Variants in SPIDR observed in about 807,000 individuals in gnomAD.
The protein encoded by SPIDR is DNA repair-scaffolding protein.
Under a neutral mutation model 104.6 loss-of-function variants are expected in SPIDR, and 93 were observed. That is an observed-to-expected ratio of 0.89 (90% CI 0.75 to 1.06). The LOEUF (loss-of-function observed/expected upper bound fraction) is 1.06, where lower values mean the gene tolerates loss of function less well. SPIDR is among the 50% of genes least tolerant of loss of function. SPIDR has a pLI of 0.00. For synonymous variants in SPIDR, 431 were observed against 416.9 expected, an observed-to-expected ratio of 1.03 and a Z score of -0.41; for missense variants, 1,154 against 1,111.2, an observed-to-expected ratio of 1.04 and a Z score of -0.55.
intron 5 of SPIDR, among the ~76,000 whole-genome samples, chr8:47,316,631 G>A (rs1053256335): frequency 1.1e-4 from 16 of 152,186 alleles, no homozygotes; most frequent in Non-Finnish European, 2.4e-4. Flanking sequence ...CATTTACATC[G>A]AGTTCTAGAA....
At position 47,443,569 on chromosome 8, in the gene SPIDR, G is replaced by A. The variant is rs1352306272; in HGVS notation, c.1097+3027G>A. Among the ~76,000 whole-genome samples the A allele has an allele frequency of 1.9e-4, 15 of 80,818 alleles. No individual in the cohort carries two copies. The Admixed American group carries it at 2.1e-3, about 11-fold the overall frequency. 53.0% of individuals were successfully genotyped at this position (80,818 alleles called of 152,430 possible). On this transcript the variant is annotated intron_variant, in intron 8 of 19. Coordinates refer to ENST00000297423, the MANE Select transcript of SPIDR (RefSeq NM_001080394.4). ...CTGGGCGACAGAGCAAGACCCTGTC[G>A]CCAAAAAAAAAAAAAAAAAAAACAC...
At chr8:47,325,717 G>A (rs2047541760) in intron 5 of SPIDR, among the ~76,000 whole-genome samples, 1 of 152,142 alleles carries the variant, frequency 6.6e-6, no homozygotes. Flanking sequence ...ACAGAGTTAT[G>A]TGAGATTTGT....
At chr8:47,356,337 C>G (rs139873452) in intron 5 of SPIDR, among the ~76,000 whole-genome samples, 1 of 152,294 alleles carries the variant, frequency 6.6e-6, no homozygotes, top group African/African-American at 2.4e-5. Flanking sequence ...ATCAGAGTCG[C>G]TGTCTTGGGA....
chr8:47,556,231 G>A (rs555659266), intron 8 of SPIDR, among the ~76,000 whole-genome samples: 48 of 152,292 alleles, frequency 3.2e-4, no homozygotes, highest in Admixed American at 2.9e-3. Flanking sequence ...GATCTTAGAT[G>A]GCCTCAGTGG....
At position 47,570,815 on chromosome 8, in the gene SPIDR, G is replaced by A. The variant is rs557649560; in HGVS notation, c.1098-24996G>A. Among the ~76,000 whole-genome samples, 10 of 152,232 alleles carry A rather than the reference G, an allele frequency of 6.6e-5. No individual in the cohort carries two copies. In the East Asian group the frequency reaches 1.2e-3, roughly 18 times the overall value. On this transcript the variant is annotated intron_variant, in intron 8 of 19. Coordinates refer to ENST00000297423, the MANE Select transcript of SPIDR (RefSeq NM_001080394.4). ...ATGATTAAGATGAAAGGTTTTAGCC[G>A]GGTGTGGTGGCTCACGCCTATAATC...
intron 10 of SPIDR, among the ~76,000 whole-genome samples, chr8:47,638,048 G>T (rs1588674660): frequency 2.0e-5 from 3 of 151,744 alleles, no homozygotes; most frequent in Admixed American, 2.0e-4. Flanking sequence ...TGTTCACATT[G>T]TTCCAGTTTT....
intron 5 of SPIDR, among the ~76,000 whole-genome samples, chr8:47,343,687 C>CT (rs1554615453): frequency 6.6e-6 from 1 of 152,152 alleles, no homozygotes; most frequent in Non-Finnish European, 1.5e-5. Flanking sequence ...AACTGATGGG[C>CT]TAAAGTGTGG....
rs1344685786 is a variant in SPIDR, at chr8:47,294,012, G to A, written c.507G>A (p.Lys169=). Reference sequence around the variant, plus strand: ...ATCAGTCTTTGACAAGTGATGAGAAGCTGTCGGAGCTTCCCAAGGTAAGAA... The same window carrying A: ...ATCAGTCTTTGACAAGTGATGAGAAACTGTCGGAGCTTCCCAAGGTAAGAA... ...ASNQSLTSDE[K]LSELPKPSSI... The change falls in exon 5 of 20, where the codon AAG becomes AAA. Residue 169 remains lysine, a synonymous_variant. Transcript: ENST00000297423. 4 of 1,613,392 alleles carry A rather than the reference G, an allele frequency of 2.5e-6. No homozygotes were observed. Among genetic ancestry groups the A allele is most frequent in the Non-Finnish European group, 3.4e-6 (4 of 1,179,838 alleles).
chr8:47,575,420 G>A (rs1400696163), intron 8 of SPIDR, among the ~76,000 whole-genome samples: 1 of 151,802 alleles, frequency 6.6e-6, no homozygotes, highest in Admixed American at 6.6e-5. Flanking sequence ...GAGGCGGGCG[G>A]ATCACGAGGT....
At chr8:47,569,577 T>C (rs1174476343) in intron 8 of SPIDR, among the ~76,000 whole-genome samples, 2 of 152,318 alleles carry the variant, frequency 1.3e-5, no homozygotes, top group East Asian at 3.9e-4. Flanking sequence ...CCAGTTACAA[T>C]AGAATAAGAG....
intron 5 of SPIDR, among the ~76,000 whole-genome samples, chr8:47,395,030 A>T (rs1018378774): frequency 4.5e-4 from 69 of 152,074 alleles, no homozygotes; most frequent in African/African-American, 1.6e-3. Context: ...AGGTATGGAG[A>T]TGGATGGTTC....
At chr8:47,551,330 G>C (rs565481048) in intron 8 of SPIDR, among the ~76,000 whole-genome samples, 1 of 152,280 alleles carries the variant, frequency 6.6e-6, no homozygotes, top group East Asian at 1.9e-4. Flanking sequence ...GATGTGAATA[G>C]TTTCAGAACC....
chr8:47,644,141 T>G (rs1001554567), intron 10 of SPIDR, among the ~76,000 whole-genome samples: 2 of 152,174 alleles, frequency 1.3e-5, no homozygotes, highest in African/African-American at 4.8e-5. Context: ...TCACTCCACC[T>G]CACACCCAAG....
At chr8:47,718,667 C>T (rs1002251659) in intron 16 of SPIDR, among the ~76,000 whole-genome samples, 1 of 152,002 alleles carries the variant, frequency 6.6e-6, no homozygotes, top group Non-Finnish European at 1.5e-5. Context: ...AAAGTGTAAA[C>T]CACAGTGAGA....
intron 10 of SPIDR, among the ~76,000 whole-genome samples, chr8:47,621,611 C>T (rs1334862934): frequency 6.6e-6 from 1 of 152,214 alleles, no homozygotes; most frequent in Non-Finnish European, 1.5e-5. Context: ...TGCCGTCTGG[C>T]ACAGAGCTGT....
intron 10 of SPIDR, among the ~76,000 whole-genome samples, chr8:47,622,977 G>A (rs1479136053): frequency 6.6e-6 from 1 of 152,162 alleles, no homozygotes; most frequent in Non-Finnish European, 1.5e-5. Context: ...GTGGCCCACA[G>A]CAGTCTCAGT....
intron 8 of SPIDR, among the ~76,000 whole-genome samples, chr8:47,549,937 T>G (rs1404899100): frequency 6.6e-6 from 1 of 152,208 alleles, no homozygotes; most frequent in Non-Finnish European, 1.5e-5. Context: ...TGAATTAATT[T>G]TTGTATAAGG....
At chr8:47,706,158 C>A (rs2154485635) in intron 14 of SPIDR, among the ~76,000 whole-genome samples, 1 of 152,140 alleles carries the variant, frequency 6.6e-6, no homozygotes, top group South Asian at 2.1e-4. Context: ...TTTGGGAGGC[C>A]AAGGCGGGTG....
intron 5 of SPIDR, among the ~76,000 whole-genome samples, chr8:47,309,106 A>G (rs1475304496): frequency 2.0e-5 from 3 of 152,254 alleles, no homozygotes; most frequent in Non-Finnish European, 4.4e-5. Flanking sequence ...TATAGTTGAA[A>G]GAGTTTAATT....
Sources: allele counts gnomAD v4.1 joint callset (sites outside exome capture counted in the v4.1 genomes callset), GRCh38; gene constraint gnomAD v4.1.1; transcripts MANE v1.5; gene names NCBI Gene and HGNC (gene_info 2026-07-23, HGNC 2026-07-21).